Variants in TENM2 observed in about 807,000 individuals in gnomAD.
TENM2 encodes the protein teneurin-2.
A neutral mutation model predicts 245.2 loss-of-function variants in TENM2; 52 were observed. That is an observed-to-expected ratio of 0.21 (90% CI 0.17 to 0.27). The LOEUF (loss-of-function observed/expected upper bound fraction) is 0.27, where lower values mean the gene tolerates loss of function less well. Ranked by LOEUF, TENM2 falls within the 10% of genes least tolerant of loss-of-function variation. The probability of loss-of-function intolerance (pLI) is 1.00; values close to 1 mark genes in which losing one functional copy is unlikely to be tolerated. For missense variants in TENM2, 3,046 were observed against 3,666.8 expected (o/e 0.83, Z 4.37); for synonymous variants, 1,363 against 1,438.9 (o/e 0.95, Z 1.19).
At chr5:167,928,921 A>C (rs1777982670) in intron 3 of TENM2, among the ~76,000 whole-genome samples, 1 of 141,862 alleles carries the variant, frequency 7.0e-6, no homozygotes, top group East Asian at 2.0e-4. Context: ...AAAAAGAAGA[A>C]GAAAGAAGGA....
At chr5:168,060,369 G>A (rs1427822263) in intron 6 of TENM2, among the ~76,000 whole-genome samples, 5 of 152,156 alleles carry the variant, frequency 3.3e-5, no homozygotes, top group African/African-American at 7.2e-5. Flanking sequence ...AGCTGAGATC[G>A]TGCCACTGCA....
the TENM2 span, among the ~76,000 whole-genome samples, chr5:166,984,771 A>G: frequency 2.6e-5 from 4 of 152,030 alleles, no homozygotes; most frequent in African/African-American, 4.8e-5. Flanking sequence ...TTGCTAGATA[A>G]CTCCTTGCAA....
chr5:167,619,989 A>G (rs1393318511), intron 2 of TENM2, among the ~76,000 whole-genome samples: 1 of 152,172 alleles, frequency 6.6e-6, no homozygotes, highest in Non-Finnish European at 1.5e-5. Flanking sequence ...ACCAGAGAAA[A>G]TCTCTTTGGG....
chr5:167,907,988 G>A (rs1355038086), intron 3 of TENM2, among the ~76,000 whole-genome samples: 1 of 152,044 alleles, frequency 6.6e-6, no homozygotes, highest in Non-Finnish European at 1.5e-5. Flanking sequence ...AACCATAAGA[G>A]AGCCAGTCAC....
chr5:167,702,089 A>G (rs987069206), intron 2 of TENM2, among the ~76,000 whole-genome samples: 1 of 152,216 alleles, frequency 6.6e-6, no homozygotes, highest in Non-Finnish European at 1.5e-5. Context: ...CTTTGAAAAG[A>G]TCTGGAAAAG....
At chr5:167,219,534 T>A in the TENM2 span, among the ~76,000 whole-genome samples, 1 of 152,188 alleles carries the variant, frequency 6.6e-6, no homozygotes, top group Admixed American at 6.5e-5. Context: ...ATTGTTCTTA[T>A]GAAAATTAGG....
At chr5:166,996,600 G>A in the TENM2 span, among the ~76,000 whole-genome samples, 5 of 152,164 alleles carry the variant, frequency 3.3e-5, no homozygotes, top group Admixed American at 3.3e-4. Context: ...TCTAATGTGT[G>A]GTTTGCAGAG....
the TENM2 span, among the ~76,000 whole-genome samples, chr5:166,993,137 C>A: frequency 6.6e-6 from 1 of 152,106 alleles, no homozygotes; most frequent in African/African-American, 2.4e-5. Context: ...TTTTGAAATT[C>A]CCGTAGAGAG....
In TENM2 at chr5:167,368,700, A is replaced by G. The variant is rs527372053; in HGVS notation, c.227-6498A>G. ...GTGGATGTAAAGGTGTACTTTGTGT[A>G]TACTGTGTGTGTATTTTGACAAGGT... On this transcript the variant is annotated intron_variant, in intron 1 of 28. Coordinates refer to ENST00000518659, the Ensembl canonical transcript of TENM2. 3.7e-4 allele frequency among the ~76,000 whole-genome samples: 56 copies of G among 152,182 alleles called. 1 individual carries two copies. Among genetic ancestry groups the G allele is most frequent in the African/African-American group, 1.3e-3 (55 of 41,540 alleles).
intron 5 of TENM2, among the ~76,000 whole-genome samples, chr5:168,014,916 T>C (rs1581060958): frequency 2.6e-5 from 4 of 152,326 alleles, no homozygotes; most frequent in Middle Eastern, 6.8e-3. Context: ...AAGTGCTGTT[T>C]CCATGCTGTC....
chr5:167,439,616 A>C (rs1305345984), intron 2 of TENM2, among the ~76,000 whole-genome samples: 1 of 152,234 alleles, frequency 6.6e-6, no homozygotes, highest in Non-Finnish European at 1.5e-5. Context: ...AATACACTGC[A>C]TATAATAATA....
chr5:167,092,110 C>G, the TENM2 span, among the ~76,000 whole-genome samples: 1 of 152,100 alleles, frequency 6.6e-6, no homozygotes, highest in Non-Finnish European at 1.5e-5. Flanking sequence ...CCAGATTTGT[C>G]CTGCCCCCTG....
intron 4 of TENM2, among the ~76,000 whole-genome samples, chr5:167,955,507 A>G (rs991152126): frequency 2.6e-5 from 4 of 152,124 alleles, no homozygotes; most frequent in African/African-American, 9.6e-5. Context: ...TTTCTTTGCC[A>G]TTGCTTTTTG....
the TENM2 span, among the ~76,000 whole-genome samples, chr5:167,214,596 A>G: frequency 6.6e-6 from 1 of 152,060 alleles, no homozygotes; most frequent in Non-Finnish European, 1.5e-5. Flanking sequence ...TCAGCTATCT[A>G]TCTCGGTTCT....
At chr5:167,663,180 G>GAGAGAGAGAGAGAA (rs1755347241) in intron 2 of TENM2, among the ~76,000 whole-genome samples, 3 of 139,100 alleles carry the variant, frequency 2.2e-5, no homozygotes, top group African/African-American at 8.7e-5. Context: ...GAGAGAGAGA[G>GAGAGAGAGAGAGAA]AGAGAGAAAG....
chr5:167,767,882 A>T (rs916120528), intron 2 of TENM2, among the ~76,000 whole-genome samples: 1 of 152,234 alleles, frequency 6.6e-6, no homozygotes, highest in African/African-American at 2.4e-5. Context: ...GTCTTGGTGC[A>T]TGACAAGGAG....
At chr5:167,831,306 C>T (rs1427656793) in intron 2 of TENM2, among the ~76,000 whole-genome samples, 1 of 152,072 alleles carries the variant, frequency 6.6e-6, no homozygotes, top group Non-Finnish European at 1.5e-5. Flanking sequence ...TCTCACAAAA[C>T]ACTTTGGACT....
the TENM2 span, among the ~76,000 whole-genome samples, chr5:167,082,053 T>C: frequency 6.6e-6 from 1 of 152,194 alleles, no homozygotes; most frequent in Non-Finnish European, 1.5e-5. Context: ...AAAAGTGCTT[T>C]CCTCATAGTG....
chr5:167,876,280 A>G, intron 3 of TENM2, 85 bp downstream of exon 5: 1 of 1,179,928 alleles, frequency 8.5e-7, no homozygotes, highest in Admixed American at 2.0e-5. Flanking sequence ...TGCTGAAACA[A>G]GGGCTGGGGG....
Sources: gnomAD v4.1 joint callset for allele counts (sites outside exome capture counted in the v4.1 genomes callset) on GRCh38, gnomAD v4.1.1 for gene constraint, MANE v1.5 for transcripts, NCBI Gene and HGNC (gene_info 2026-07-23, HGNC 2026-07-21) for gene names.